The following RIPOR2 variants were observed in gnomAD, a reference collection of about 807,000 sequenced individuals.
The protein encoded by RIPOR2 is rho family-interacting cell polarization regulator 2.
In RIPOR2, 39 loss-of-function variants were observed where a neutral mutation model predicts 114.5. The ratio of observed to expected loss-of-function variants is 0.34; its 90% CI spans 0.26 to 0.44. RIPOR2 has a LOEUF of 0.44. Ranked by LOEUF, RIPOR2 falls within the 20% of genes least tolerant of loss-of-function variation. The pLI is 1.00. For synonymous variants in RIPOR2, 445 were observed against 484.4 expected, an observed-to-expected ratio of 0.92 and a Z score of 1.07; for missense variants, 1,007 against 1,255.1, an observed-to-expected ratio of 0.80 and a Z score of 2.99.
At chr6:24,976,539 T>G in intron 1 of RIPOR2, 1 of 1,592,764 alleles carries the variant, frequency 6.3e-7, no homozygotes, top group Non-Finnish European at 8.6e-7. Context: ...CATAAAGCTA[T>G]GTTAACAGAT....
intron 1 of RIPOR2, among the ~76,000 whole-genome samples, chr6:24,994,633 A>G (rs536428553): frequency 6.6e-6 from 1 of 152,302 alleles, no homozygotes; most frequent in East Asian, 1.9e-4. Context: ...GGTACTCATG[A>G]GAGCGATGGG....
In RIPOR2 at chr6:24,919,164, A is replaced by C. The variant is rs540814304; in HGVS notation, c.61+16674T>G. 2.6e-5 allele frequency among the ~76,000 whole-genome samples: 4 copies of C among 152,334 alleles called. No individual in the cohort carries two copies. The East Asian group carries it at 7.7e-4, about 29-fold the overall frequency. ...TGCCCCTCTTTCCTTCTCTGCTCACATAGAATCCACATCCCTGGCAGCTTT... is the reference window on the plus strand; with the variant it reads ...TGCCCCTCTTTCCTTCTCTGCTCACCTAGAATCCACATCCCTGGCAGCTTT... On this transcript the variant is annotated intron_variant, in intron 1 of 21. Coordinates refer to ENST00000643898, the MANE Select transcript of RIPOR2 (RefSeq NM_001286445.3).
At chr6:24,891,523 A>AC (rs1767357591) in intron 1 of RIPOR2, among the ~76,000 whole-genome samples, 1 of 152,066 alleles carries the variant, frequency 6.6e-6, no homozygotes, top group African/African-American at 2.4e-5. Flanking sequence ...ATAAAAAAAA[A>AC]AGGCCACCTA....
intron 1 of RIPOR2, among the ~76,000 whole-genome samples, chr6:24,927,984 C>T (rs1776426895): frequency 6.6e-6 from 1 of 152,224 alleles, no homozygotes; most frequent in Non-Finnish European, 1.5e-5. Flanking sequence ...TGGGCCTTCT[C>T]TAGAAGCTGT....
At chr6:24,990,877 A>G (rs775139231) in intron 1 of RIPOR2, among the ~76,000 whole-genome samples, 3 of 152,266 alleles carry the variant, frequency 2.0e-5, no homozygotes, top group Non-Finnish European at 4.4e-5. Context: ...CTAAATGTAC[A>G]TCAGACATAT....
intron 5 of RIPOR2, 71 bp downstream of exon 5, chr6:24,870,795 T>G: frequency 8.7e-7 from 1 of 1,151,456 alleles, no homozygotes; most frequent in Non-Finnish European, 1.3e-6. Flanking sequence ...ATGACAGGCG[T>G]GAGCCACCGT....
At chr6:25,023,048 C>T (rs1776407681) in intron 1 of RIPOR2, among the ~76,000 whole-genome samples, 2 of 151,920 alleles carry the variant, frequency 1.3e-5, no homozygotes, top group Non-Finnish European at 2.9e-5. Flanking sequence ...AGCTACCCAC[C>T]ACAGCTGCCC....
At position 24,935,931 on chromosome 6, in the gene RIPOR2, A is replaced by C; in HGVS notation, c.-33T>G. The C allele has an allele frequency of 6.6e-7, 1 of 1,506,898 alleles. No individual in the cohort carries two copies. Among genetic ancestry groups the C allele is most frequent in the Non-Finnish European group, 8.9e-7 (1 of 1,121,046 alleles). The allele number at this position is 1,506,898 out of a possible 1,614,324, so 93.3% of individuals were successfully genotyped here. A position where few individuals can be genotyped will look rare whatever the true frequency, so the allele number is the denominator to read the frequency against. ...AGGACAGGCGCGAGAAGCAGCAGGC[A>C]GCAGCCCCGGCAGTCTCAGCAGTCA... is the stretch of plus-strand genomic sequence containing the variant. On this transcript the variant is annotated 5_prime_UTR_variant, in exon 1 of 22. Coordinates refer to ENST00000643898, the MANE Select transcript of RIPOR2 (RefSeq NM_001286445.3).
chr6:24,909,137 A>G (rs892750227), intron 1 of RIPOR2, among the ~76,000 whole-genome samples: 7 of 152,204 alleles, frequency 4.6e-5, no homozygotes, highest in Non-Finnish European at 7.3e-5. Flanking sequence ...TCCTGGGGGA[A>G]AGGACACAAT....
chr6:24,900,229 C>A (rs1457924451), intron 1 of RIPOR2, among the ~76,000 whole-genome samples: 1 of 152,080 alleles, frequency 6.6e-6, no homozygotes, highest in Non-Finnish European at 1.5e-5. Context: ...CATCCACAGC[C>A]GCAGCACAGC....
rs1777310252 is a variant in RIPOR2, at chr6:25,037,684, A to C, written c.76+4167T>G. ...ACTACACTGCTATGGACTAGAAAAG[A>C]AAATAAATATTTCATTACAGATTCT... On this transcript the variant is annotated intron_variant, in intron 1 of 13. Coordinates refer to the RIPOR2 transcript ENST00000510784. This position sits in a 1 kb window ranked among gnomAD's most constrained non-coding sequence, Gnocchi z 4.5. Among the ~76,000 whole-genome samples the C allele has an allele frequency of 6.6e-6, 1 of 152,206 alleles. No individual in the cohort carries two copies.
At chr6:24,855,135 G>C (rs975948003) in intron 8 of RIPOR2, among the ~76,000 whole-genome samples, 2 of 151,160 alleles carry the variant, frequency 1.3e-5, no homozygotes, top group African/African-American at 4.9e-5. Flanking sequence ...ATACCAAACT[G>C]TTAAAAATAA....
intron 16 of RIPOR2, among the ~76,000 whole-genome samples, chr6:24,831,376 G>A (rs979308588): frequency 6.6e-6 from 1 of 152,202 alleles, no homozygotes; most frequent in Non-Finnish European, 1.5e-5. Flanking sequence ...ATGGGAGGTA[G>A]CAGCAGGTGG....
intron 1 of RIPOR2, among the ~76,000 whole-genome samples, chr6:25,018,506 AC>A (rs1181217792): frequency 6.6e-6 from 1 of 152,120 alleles, no homozygotes. Context: ...ACGCTCCTTA[AC>A]CAATTGTTTG....
At chr6:24,955,248 A>C (rs898382866) in intron 1 of RIPOR2, among the ~76,000 whole-genome samples, 1 of 152,232 alleles carries the variant, frequency 6.6e-6, no homozygotes, top group Non-Finnish European at 1.5e-5. Context: ...ATCCAACCAT[A>C]GTCCCAAGAG....
At chr6:24,938,448 G>A (rs899667443), upstream of RIPOR2, among the ~76,000 whole-genome samples, 38 of 152,304 alleles carry the variant, frequency 2.5e-4, no homozygotes, top group African/African-American at 9.1e-4. Context: ...CCAGTTTGTG[G>A]TACTTCATTA....
At chr6:24,925,625 C>G (rs1354223626) in intron 1 of RIPOR2, among the ~76,000 whole-genome samples, 1 of 152,052 alleles carries the variant, frequency 6.6e-6, no homozygotes, top group Non-Finnish European at 1.5e-5. Flanking sequence ...TCGCTTGAAC[C>G]CAGGAGGCGG....
chr6:24,830,577 ACT>A lies in RIPOR2; in HGVS notation c.2436_2437del (p.Arg812SerfsTer37), dbSNP rs1458613658. On this transcript the variant is annotated frameshift_variant, in exon 17 of 22. Coordinates refer to ENST00000643898, the MANE Select transcript of RIPOR2 (RefSeq NM_001286445.3). LOFTEE classifies it high-confidence loss of function. ...AAAGCTGGCCTCCAGCTGCTTCATC[ACT>A]CTGTCCGCTGGGCTGTGGTAGACAC... 1.9e-6 allele frequency: 3 copies of A among 1,550,842 alleles called. No homozygotes were observed. The highest frequency in any genetic ancestry group is 2.6e-6 in the Non-Finnish European group (3 of 1,146,868).
At position 24,806,332 on chromosome 6, in the gene RIPOR2, G is replaced by C; in HGVS notation, c.*41C>G. ...AACCACAGCACCATCCTGATGAAAA[G>C]GGCCAGATATTAAGACAGCTGTTAG... On this transcript the variant is annotated 3_prime_UTR_variant, in exon 22 of 22. Transcript: ENST00000643898. The C allele has an allele frequency of 4.5e-6, 6 of 1,328,742 alleles. No individual in the cohort carries two copies. The highest frequency in any genetic ancestry group is 6.4e-6 in the Non-Finnish European group (6 of 943,836). 82.3% of individuals were successfully genotyped at this position (1,328,742 alleles called of 1,614,324 possible).
Sources: allele counts gnomAD v4.1 joint callset (sites outside exome capture counted in the v4.1 genomes callset), GRCh38; gene constraint gnomAD v4.1.1; non-coding constraint Gnocchi (gnomAD v3.1); transcripts MANE v1.5; gene names NCBI Gene and HGNC (gene_info 2026-07-23, HGNC 2026-07-21).